The following AP4B1 variants were observed in gnomAD, a reference collection of about 807,000 sequenced individuals.
The protein encoded by AP4B1 is adaptor related protein complex 4 subunit beta 1.
AP4B1 carries 49 observed loss-of-function variants against 76.5 expected under a neutral mutation model. That is an observed-to-expected ratio of 0.64 (90% confidence interval 0.51 to 0.81). AP4B1 has a LOEUF of 0.81. AP4B1 is among the 40% of genes least tolerant of loss of function. AP4B1 has a pLI of 0.00. For missense variants in AP4B1, 911 were observed against 904.9 expected, an observed-to-expected ratio of 1.01 and a Z score of -0.09; for synonymous variants, 330 against 333.3, an observed-to-expected ratio of 0.99 and a Z score of 0.11.
chr1:113,895,948 CACA>C lies in AP4B1; in HGVS notation c.1598_1600del (p.Leu533_Cys534delinsArg), dbSNP rs1172852588. ...AAGAGTAGGGTCAGATTTAGGGCTA[CACA>C]GAATCCGCTTAACTTCATCAATGCC... On this transcript the variant is annotated inframe_deletion, in exon 9 of 10. Transcript: ENST00000369569. The C allele has an allele frequency of 6.2e-7, 1 of 1,614,180 alleles. No homozygotes were observed.
chr1:113,903,571 G>A (rs1197724145), intron 1 of AP4B1, among the ~76,000 whole-genome samples: 1 of 152,152 alleles, frequency 6.6e-6, no homozygotes, highest in East Asian at 1.9e-4. Context: ...GTGTAGAGGG[G>A]ATTCAGAGGT....
In AP4B1 at chr1:113,897,890, C is replaced by T. The variant is rs139657454; in HGVS notation, c.1252G>A (p.Ala418Thr). 3.7e-6 allele frequency: 6 copies of T among 1,614,128 alleles called. No individual in the cohort carries two copies. The highest frequency in any genetic ancestry group is 4.2e-6 in the Non-Finnish European group (5 of 1,180,036). The change falls in exon 7 of 10, where the codon GCT becomes ACT. Residue 418 changes from alanine (A) to threonine (T), a missense_variant. Coordinates refer to ENST00000369569, the MANE Select transcript of AP4B1 (RefSeq NM_001253852.3). ...LVWLCPQCTE[A>T]VCQALPGCEE... ...CAGCCGGGCAGGGCCTGACATACAGCTTCAGTACACTGAGGACACAACCAA... is the reference window on the plus strand; with the variant it reads ...CAGCCGGGCAGGGCCTGACATACAGTTTCAGTACACTGAGGACACAACCAA...
At chr1:113,899,742 A>T in intron 5 of AP4B1, 162 bp downstream of exon 5, 1 of 1,178,800 alleles carries the variant, frequency 8.5e-7, no homozygotes, top group South Asian at 1.3e-5. Flanking sequence ...ACAAAAAAAA[A>T]CTCTCTTCCC....
At position 113,904,724 on chromosome 1, in the gene AP4B1, A is replaced by G. The variant is rs1291113856; in HGVS notation, c.-7T>C. ...CGGAGCCAAGGTACGGCATCTTCCT[A>G]AGAGTCACAGGGCAGCTCCCACAGC... On this transcript the variant is annotated 5_prime_UTR_variant, in exon 1 of 10. Transcript: ENST00000369569. 9.3e-6 allele frequency: 15 copies of G among 1,611,732 alleles called. No homozygotes were observed. Among genetic ancestry groups the G allele is most frequent in the Non-Finnish European group, 1.3e-5 (15 of 1,179,544 alleles).
In AP4B1 at chr1:113,901,874, A is replaced by G. The variant is rs375975068; in HGVS notation, c.350T>C (p.Val117Ala). The change falls in exon 3 of 10, where the codon GTG (valine) becomes GCG (alanine). Residue 117 changes from valine to alanine, a missense_variant. Transcript: ENST00000369569. ...AATAGGCTGTTGTATATACTCCTGCACACCAGGCATCCTAAGCAACACATC... is the reference window on the plus strand; with the variant it reads ...AATAGGCTGTTGTATATACTCCTGCGCACCAGGCATCCTAAGCAACACATC... Reference protein sequence around the residue: ...RSMCSLRMPGVQEYIQQPILN... With the variant: ...RSMCSLRMPGAQEYIQQPILN... 4.0e-5 allele frequency: 65 copies of G among 1,614,170 alleles called. No individual in the cohort carries two copies. Among genetic ancestry groups the G allele is most frequent in the Non-Finnish European group, 5.1e-5 (60 of 1,180,022 alleles).
intron 5 of AP4B1, chr1:113,899,241 G>A (rs1667905240): frequency 9.8e-7 from 1 of 1,018,584 alleles, no homozygotes; most frequent in Non-Finnish European, 1.2e-6. Flanking sequence ...CCAAATATGA[G>A]GGTTGCTCCT....
intron 6 of AP4B1, 124 bp from the exon 7 acceptor site, chr1:113,898,067 G>A: frequency 2.7e-5 from 41 of 1,540,332 alleles, no homozygotes; most frequent in Non-Finnish European, 3.3e-5. Context: ...GGTTTTGGAG[G>A]TGTGGTCAAT....
In AP4B1 at chr1:113,899,318, C is replaced by T; in HGVS notation, c.1115-517G>A. ...GTTTTCAGTTTTTGAGTCACTCCAG[C>T]CTTTCAAATTCCAGACAGGGTACTA... On this transcript the variant is annotated intron_variant, in intron 5 of 9. Transcript: ENST00000369569. 3.0e-6 allele frequency: 3 copies of T among 1,015,542 alleles called. No individual in the cohort carries two copies. The South Asian group carries it at 1.2e-4, about 40-fold the overall frequency. The allele number at this position is 1,015,542 out of a possible 1,614,324, so 62.9% of individuals were successfully genotyped here.
At chr1:113,901,978 C>T in intron 2 of AP4B1, 93 bp from the exon 3 acceptor site, 1 of 1,438,456 alleles carries the variant, frequency 7.0e-7, no homozygotes, top group Non-Finnish European at 9.8e-7. Flanking sequence ...TTAGTAGATG[C>T]TGCACCCATC....
chr1:113,903,892 C>T (rs979370766), intron 1 of AP4B1, among the ~76,000 whole-genome samples: 3 of 152,190 alleles, frequency 2.0e-5, no homozygotes, highest in African/African-American at 7.2e-5. Context: ...AAATCAGAAT[C>T]AGTCCCTGGA....
intron 5 of AP4B1, chr1:113,899,368 A>G (rs1370809596): frequency 2.6e-5 from 26 of 1,009,786 alleles, no homozygotes; most frequent in Non-Finnish European, 3.1e-5. Context: ...AGATTTAGGA[A>G]TTATTCTGTG....
At chr1:113,895,552 T>C (rs1410066802) in intron 9 of AP4B1, 60 bp from the exon 10 acceptor site, 13 of 1,602,694 alleles carry the variant, frequency 8.1e-6, no homozygotes, top group Middle Eastern at 1.8e-4. Flanking sequence ...CTAAGTTTTT[T>C]ATCCAAATTC....
At position 113,895,480 on chromosome 1, in the gene AP4B1, G is replaced by A; in HGVS notation, c.1805C>T (p.Pro602Leu). 1.2e-6 allele frequency: 2 copies of A among 1,614,174 alleles called. No homozygotes were observed. Among genetic ancestry groups the A allele is most frequent in the Non-Finnish European group, 1.7e-6 (2 of 1,180,036 alleles). ...SSFAASGPLI[P>L]EENKERVQEL... ...TTGTACCCTCTCCTTGTTCTCTTCA[G>A]GAATCAAGGGTCCTAAAAGAGACAG... Residue 602 changes from proline to leucine, a missense_variant, in exon 10 of 10, where the codon CCT (proline) becomes CTT (leucine). Physicochemically the swap from Pro to Leu is moderately conservative, Grantham distance 98. Coordinates refer to ENST00000369569, the MANE Select transcript of AP4B1 (RefSeq NM_001253852.3).
Position 113,899,944 on chromosome 1 carries a change from A to G in AP4B1, c.1074T>C (p.Asp358=), listed in dbSNP as rs2101024006. 1.9e-6 allele frequency: 3 copies of G among 1,614,204 alleles called. No homozygotes were observed. Among genetic ancestry groups the G allele is most frequent in the Non-Finnish European group, 2.5e-6 (3 of 1,180,040 alleles). ...CAGCCTGTGCAAAGTCCGCAGACAC[A>G]TCCGTGCAGTACCCTCGAAGCTCCT... ...VLEELRGYCT[D]VSADFAQAAI... The change falls in exon 5 of 10, where the codon GAT becomes GAC. Residue 358 remains aspartate, a synonymous_variant. Transcript: ENST00000369569.
Position 113,902,762 on chromosome 1 carries a change from T to C in AP4B1, c.214A>G (p.Met72Val), listed in dbSNP as rs201265132. 3.1e-6 allele frequency: 5 copies of C among 1,614,206 alleles called. No individual in the cohort carries two copies. In the African/African-American group the frequency reaches 6.7e-5, roughly 22 times the overall value. The change falls in exon 2 of 10, where the codon ATG becomes GTG. Residue 72 changes from methionine (M) to valine (V), a missense_variant. Physicochemically the swap from Met to Val is conservative, Grantham distance 21. Transcript: ENST00000369569. ...GGTTTCAGGGGAGCATATGTGCACA[T>C]GTACAGATAAACCAACTTCTTCTGG... is the stretch of plus-strand genomic sequence containing the variant. Reference protein sequence around the residue: ...IVQKKLVYLYMCTYAPLKPDL... With the variant: ...IVQKKLVYLYVCTYAPLKPDL...
At position 113,895,852 on chromosome 1, in the gene AP4B1, A is replaced by G. The variant is rs373733045; in HGVS notation, c.1697T>C (p.Val566Ala). 5.0e-5 allele frequency: 81 copies of G among 1,614,094 alleles called. No homozygotes were observed. Among genetic ancestry groups the G allele is most frequent in the Non-Finnish European group, 6.7e-5 (79 of 1,180,048 alleles). The part of the protein sequence containing the change: ...WASDFNTLVP[V>A]YGKAHWATIS... ...AGTTGCCCAGTGGGCTTTGCCATAC[A>G]CTGGCACCAGTGTGTTGAAGTCTGA... is the stretch of plus-strand genomic sequence containing the variant. Residue 566 changes from valine to alanine, a missense_variant, in exon 9 of 10, where the codon GTG becomes GCG. Coordinates refer to ENST00000369569, the MANE Select transcript of AP4B1 (RefSeq NM_001253852.3).
At chr1:113,902,611 G>C (rs1668417321) in intron 2 of AP4B1, 27 bp downstream of exon 2, 2 of 1,604,850 alleles carry the variant, frequency 1.2e-6, no homozygotes, top group Non-Finnish European at 1.7e-6. Flanking sequence ...CAGCCATTTA[G>C]GACCAGACAG....
chr1:113,894,623 T>C lies in AP4B1; in HGVS notation c.*442A>G, dbSNP rs1444230190. On this transcript the variant is annotated 3_prime_UTR_variant, in exon 10 of 10. Transcript: ENST00000369569. Reference sequence around the variant, plus strand: ...AAGACTTGACACCAAAGAGGTACTTTAGATGACATTAAGGACTTTGGAATC... The same window carrying C: ...AAGACTTGACACCAAAGAGGTACTTCAGATGACATTAAGGACTTTGGAATC... 3 of 179,216 alleles carry C rather than the reference T, an allele frequency of 1.7e-5. No individual in the cohort carries two copies. Among genetic ancestry groups the C allele is most frequent in the Admixed American group, 1.1e-4 (2 of 17,992 alleles). The allele number at this position is 179,216 out of a possible 1,614,324, so 11.1% of individuals were successfully genotyped here.
rs1444723070 is a variant in AP4B1, at chr1:113,904,593, G to A, written c.113+12C>T. 8.7e-6 allele frequency: 14 copies of A among 1,612,340 alleles called. No homozygotes were observed. The highest frequency in any genetic ancestry group is 1.1e-5 in the Non-Finnish European group (13 of 1,178,536). On this transcript the variant is annotated intron_variant, in intron 1 of 9. Transcript: ENST00000369569. The stretch of plus-strand genomic sequence containing the variant: ...AGGGAGCAGTTAGCACGCGAAGGGA[G>A]GTAGGTGATACCTAATCACTCGCTG...
Sources: gnomAD v4.1 joint callset for allele counts (sites outside exome capture counted in the v4.1 genomes callset) on GRCh38, gnomAD v4.1.1 for gene constraint, MANE v1.5 for transcripts, NCBI Gene and HGNC (gene_info 2026-07-23, HGNC 2026-07-21) for gene names.